TP63: variants seen among roughly 807,000 people sequenced by gnomAD.
TP63 encodes tumor protein p63.
TP63 carries 17 observed loss-of-function variants against 82.8 expected under a neutral mutation model. That is an observed-to-expected ratio of 0.21 (90% CI 0.14 to 0.31). TP63 has a LOEUF of 0.31. Among genes scored for constraint, TP63 ranks in the 10% least tolerant of loss-of-function variants. TP63 has a pLI of 1.00. For synonymous variants in TP63, 330 were observed against 321.7 expected (o/e 1.03, Z -0.28); for missense variants, 648 against 895.3 (o/e 0.72, Z 3.52).
intron 4 of TP63, among the ~76,000 whole-genome samples, chr3:189,835,960 TAA>T (rs1713091493): frequency 8.1e-6 from 1 of 123,672 alleles, no homozygotes; most frequent in African/African-American, 2.7e-5. Flanking sequence ...ATAATAATAA[TAA>T]TAATAATGTA....
chr3:189,765,433 C>CTTTT lies in TP63; in HGVS notation c.324+26677_324+26680dup, dbSNP rs576530590. On this transcript the variant is annotated intron_variant, in intron 3 of 13. Transcript: ENST00000264731. ...GGCTTTGTAAATATCCTGTCCTCTG[C>CTTTT]TTTTTTTTTTTTTTTTTTTTTGAGA... is the stretch of plus-strand genomic sequence containing the variant. Among the ~76,000 whole-genome samples the CTTTT allele has an allele frequency of 1.8e-3, 54 of 30,084 alleles. 24 individuals carry two copies. The highest frequency in any genetic ancestry group is 8.8e-3 in the South Asian group (4 of 454). 19.7% of individuals were successfully genotyped at this position (30,084 alleles called of 152,430 possible). A position where few individuals can be genotyped will look rare whatever the true frequency, so the allele number is the denominator to read the frequency against.
At chr3:189,823,421 G>A (rs576768227) in intron 4 of TP63, among the ~76,000 whole-genome samples, 1 of 152,258 alleles carries the variant, frequency 6.6e-6, no homozygotes, top group African/African-American at 2.4e-5. Context: ...GGAGGGGCCT[G>A]CAGTAAAGGA....
chr3:189,738,779 G>A lies in TP63; in HGVS notation c.324+5G>A, dbSNP rs1267082847. On this transcript the variant is annotated splice_donor_5th_base_variant and intron_variant, in intron 3 of 13. Transcript: ENST00000264731. ...GACCTGAGTGACCCCATGTGGGTGA[G>A]TGGCACAGGCTTTCTCTTCAGTCTT... is the stretch of plus-strand genomic sequence containing the variant. The A allele has an allele frequency of 2.5e-6, 4 of 1,614,048 alleles. No homozygotes were observed. Among genetic ancestry groups the A allele is most frequent in the Non-Finnish European group, 3.4e-6 (4 of 1,179,978 alleles).
rs898132909 is a variant in TP63, at chr3:189,897,191, G to A, written c.*2689G>A. 1.4e-5 allele frequency: 3 copies of A among 216,428 alleles called. No homozygotes were observed. Among genetic ancestry groups the A allele is most frequent in the African/African-American group, 4.5e-5 (2 of 44,420 alleles). 13.4% of individuals were successfully genotyped at this position (216,428 alleles called of 1,614,324 possible). A position where few individuals can be genotyped will look rare whatever the true frequency, so the allele number is the denominator to read the frequency against. On this transcript the variant is annotated 3_prime_UTR_variant, in exon 14 of 14. Coordinates refer to ENST00000264731, the MANE Select transcript of TP63 (RefSeq NM_003722.5). Reference sequence around the variant, plus strand: ...TGGTACTTTCTGTTATGGGCTTTTGGGGAGCCAGAAGCCAATCTACAATCT... The same window carrying A: ...TGGTACTTTCTGTTATGGGCTTTTGAGGAGCCAGAAGCCAATCTACAATCT...
At chr3:189,797,087 C>T (rs1490829440) in intron 3 of TP63, among the ~76,000 whole-genome samples, 12 of 152,034 alleles carry the variant, frequency 7.9e-5, no homozygotes, top group South Asian at 2.1e-4. Flanking sequence ...GTGTGTGTAA[C>T]GTAAATTGAT....
At chr3:189,860,627 C>T (rs1445120771) in intron 4 of TP63, among the ~76,000 whole-genome samples, 1 of 152,146 alleles carries the variant, frequency 6.6e-6, no homozygotes, top group African/African-American at 2.4e-5. Context: ...AAGCAATAAA[C>T]ATAATGCATC....
chr3:189,597,808 G>A, the TP63 span, among the ~76,000 whole-genome samples: 1 of 151,916 alleles, frequency 6.6e-6, no homozygotes, highest in South Asian at 2.1e-4. Flanking sequence ...CACACTTGTA[G>A]TCCCAGCTAC....
chr3:189,632,970 G>A (rs958304698), intron 1 of TP63, among the ~76,000 whole-genome samples: 3 of 152,012 alleles, frequency 2.0e-5, no homozygotes, highest in African/African-American at 7.2e-5. Context: ...ACTCTTGAGG[G>A]CATCTCTCCT....
chr3:189,665,059 C>G (rs529877530), intron 1 of TP63, among the ~76,000 whole-genome samples: 2 of 152,226 alleles, frequency 1.3e-5, no homozygotes, highest in African/African-American at 4.8e-5. Flanking sequence ...AAACTCATCA[C>G]TTCTTAATTC....
At chr3:189,656,918 A>G (rs1713419174) in intron 1 of TP63, among the ~76,000 whole-genome samples, 1 of 136,130 alleles carries the variant, frequency 7.3e-6, no homozygotes, top group Non-Finnish European at 1.6e-5. Flanking sequence ...ATTGGAAGCA[A>G]CCAAGATGTT....
intron 1 of TP63, among the ~76,000 whole-genome samples, chr3:189,641,736 T>G (rs1349178129): frequency 6.6e-6 from 1 of 152,212 alleles, no homozygotes; most frequent in Non-Finnish European, 1.5e-5. Flanking sequence ...TACAACCACC[T>G]TTCTTTTGAA....
chr3:189,728,964 T>C (rs1298468635), intron 1 of TP63, among the ~76,000 whole-genome samples: 1 of 152,090 alleles, frequency 6.6e-6, no homozygotes, highest in Non-Finnish European at 1.5e-5. Context: ...TAAGGAGGGT[T>C]TGCTCAAAAG....
chr3:189,842,604 G>GTTTT (rs1714299268), intron 4 of TP63, among the ~76,000 whole-genome samples: 1 of 152,186 alleles, frequency 6.6e-6, no homozygotes, highest in Non-Finnish European at 1.5e-5. Context: ...GGAGCACATA[G>GTTTT]ATGTCCAGTA....
At chr3:189,638,003 A>G (rs571266722) in intron 1 of TP63, among the ~76,000 whole-genome samples, 1 of 152,266 alleles carries the variant, frequency 6.6e-6, no homozygotes, top group Admixed American at 6.5e-5. Flanking sequence ...AGGAAGCTGG[A>G]AAGGGCAAGG....
intron 1 of TP63, among the ~76,000 whole-genome samples, chr3:189,664,966 T>C (rs1395738550): frequency 6.6e-6 from 1 of 152,146 alleles, no homozygotes; most frequent in Non-Finnish European, 1.5e-5. Flanking sequence ...TACAAACCAA[T>C]TGTGAAATAT....
In TP63 at chr3:189,886,401, A is replaced by G. The variant is rs781491083; in HGVS notation, c.1357A>G (p.Ile453Val). The G allele has an allele frequency of 4.3e-6, 7 of 1,614,054 alleles. No individual in the cohort carries two copies. In the Admixed American group the frequency reaches 5.0e-5, roughly 12 times the overall value. The part of the protein sequence containing the change: ...HQHLLQKQTS[I>V]QSPSSYGNSS... ...CCATGTTTGTCTTCCTAGGACCTCAATACAGTCTCCATCTTCATATGGTAA... is the reference window on the plus strand; with the variant it reads ...CCATGTTTGTCTTCCTAGGACCTCAGTACAGTCTCCATCTTCATATGGTAA... Residue 453 changes from isoleucine to valine, a missense_variant, in exon 11 of 14, where the codon ATA becomes GTA. Ile to Val is a conservative substitution (Grantham distance 29, BLOSUM62 3). Around this residue, in one of 5 missense-constraint regions of TP63, gnomAD observed 342 missense variants for 425.7 expected, o/e 0.80. Transcript: ENST00000264731.
Position 189,679,790 on chromosome 3 carries a change from A to G in TP63, c.62+48213A>G, listed in dbSNP as rs571202074. On this transcript the variant is annotated intron_variant, in intron 1 of 13. Coordinates refer to ENST00000264731, the MANE Select transcript of TP63 (RefSeq NM_003722.5). ...GTTTTATGTAAAGTATTCAATTGGT[A>G]TTTATATTTGGCATAAAATAAGTAT... is the stretch of plus-strand genomic sequence containing the variant. Among the ~76,000 whole-genome samples the G allele has an allele frequency of 7.9e-5, 12 of 152,226 alleles. No homozygotes were observed. In the East Asian group the frequency reaches 2.3e-3, roughly 29 times the overall value.
In TP63 at chr3:189,864,620, G is replaced by A. The variant is rs188836423; in HGVS notation, c.766+202G>A. 1.7e-3 allele frequency among the ~76,000 whole-genome samples: 239 copies of A among 137,192 alleles called. 1 individual carries two copies. The Middle Eastern group carries it at 0.025, about 14-fold the overall frequency. The allele number at this position is 137,192 out of a possible 152,430, so 90.0% of individuals were successfully genotyped here. A position where few individuals can be genotyped will look rare whatever the true frequency, so the allele number is the denominator to read the frequency against. ...TAAATTCATGGCTTTCACAGTGGTT[G>A]AACTATTTAATATTAGTAATTACTA... On this transcript the variant is annotated intron_variant, in intron 5 of 13. Transcript: ENST00000264731.
chr3:189,729,704 T>C (rs2108781662), intron 1 of TP63, among the ~76,000 whole-genome samples: 1 of 152,236 alleles, frequency 6.6e-6, no homozygotes, highest in South Asian at 2.1e-4. Flanking sequence ...CTTCATATTT[T>C]TCCATTTGAG....
Sources: allele counts gnomAD v4.1 joint callset (sites outside exome capture counted in the v4.1 genomes callset), GRCh38; gene constraint gnomAD v4.1.1; regional missense constraint gnomAD v4.1.1; transcripts MANE v1.5; gene names NCBI Gene and HGNC (gene_info 2026-07-23, HGNC 2026-07-21).